Variants in APLF observed in about 807,000 individuals in gnomAD.
The protein encoded by APLF is aprataxin and PNK-like factor.
A neutral mutation model predicts 55.6 loss-of-function variants in APLF; 61 were observed. The ratio of observed to expected loss-of-function variants is 1.10; its 90% CI spans 0.89 to 1.36. The LOEUF (loss-of-function observed/expected upper bound fraction) is 1.36, where lower values mean the gene tolerates loss of function less well. Among genes scored for constraint, APLF ranks in the 40% most tolerant of loss-of-function variants. The pLI is 0.00. For synonymous variants in APLF, 207 were observed against 214.8 expected, an observed-to-expected ratio of 0.96 and a Z score of 0.32; for missense variants, 611 against 602.5, an observed-to-expected ratio of 1.01 and a Z score of -0.15.
At chr2:68,541,976 A>G (rs1451417493) in intron 7 of APLF, among the ~76,000 whole-genome samples, 1 of 152,186 alleles carries the variant, frequency 6.6e-6, no homozygotes, top group South Asian at 2.1e-4. Context: ...AGAGCCTATA[A>G]ATAAATCCTC....
At chr2:68,516,901 A>G (rs1049153198) in intron 5 of APLF, among the ~76,000 whole-genome samples, 3 of 131,252 alleles carry the variant, frequency 2.3e-5, no homozygotes, top group Non-Finnish European at 4.7e-5. Context: ...ATAATAATAT[A>G]TTATATATCC....
In APLF at chr2:68,538,223, T is replaced by G. The variant is rs774054671; in HGVS notation, c.1156T>G (p.Tyr386Asp). The stretch of plus-strand genomic sequence containing the variant: ...ATCCTGCATGTATGGGGCAAACTGC[T>G]ATAGGTAAAATGAAATTACAGTAAC... Reference protein sequence around the residue: ...RTSCMYGANCYRKNPVHFQHF... With the variant: ...RTSCMYGANCDRKNPVHFQHF... Residue 386 changes from tyrosine (Y) to aspartate (D), a missense_variant, in exon 7 of 10, where the codon TAT becomes GAT. By Grantham distance (160) the Tyr-to-Asp change is radical. Transcript: ENST00000303795. 1.3e-6 allele frequency: 2 copies of G among 1,591,434 alleles called. No homozygotes were observed. The highest frequency in any genetic ancestry group is 4.5e-5 in the East Asian group (2 of 44,758).
intron 3 of APLF, among the ~76,000 whole-genome samples, chr2:68,509,010 C>G (rs1206194046): frequency 2.0e-5 from 3 of 152,066 alleles, no homozygotes; most frequent in Admixed American, 1.3e-4. Context: ...GGAAAACTGG[C>G]TAGCCATATG....
chr2:68,572,633 C>T (rs917290872), intron 9 of APLF, among the ~76,000 whole-genome samples: 10 of 152,072 alleles, frequency 6.6e-5, no homozygotes, highest in African/African-American at 2.4e-4. Context: ...CCCAGGAGTT[C>T]ATGACCAGCC....
intron 8 of APLF, among the ~76,000 whole-genome samples, chr2:68,564,464 G>A (rs1217816958): frequency 1.3e-5 from 2 of 152,074 alleles, no homozygotes; most frequent in East Asian, 1.9e-4. Flanking sequence ...GATTAGGGAT[G>A]AGTGTCACAC....
intron 6 of APLF, among the ~76,000 whole-genome samples, chr2:68,527,610 G>T (rs115543306): frequency 7.9e-5 from 10 of 126,712 alleles, no homozygotes; most frequent in Non-Finnish European, 1.7e-5. Context: ...TCCTCGATTC[G>T]CAGACAGGAT....
intron 6 of APLF, among the ~76,000 whole-genome samples, chr2:68,537,067 A>T (rs1369015030): frequency 2.6e-5 from 4 of 151,608 alleles, no homozygotes; most frequent in Admixed American, 2.6e-4. Context: ...CGGGAGCCTG[A>T]GGTGGGAGAA....
At chr2:68,567,232 T>C in intron 8 of APLF, 109 bp from the exon 9 acceptor site, 1 of 891,292 alleles carries the variant, frequency 1.1e-6, no homozygotes, top group Non-Finnish European at 1.8e-6. Flanking sequence ...AAGAGGCCTA[T>C]TGGGTCCTAA....
At chr2:68,568,454 C>G in intron 9 of APLF, 1 of 312,794 alleles carries the variant, frequency 3.2e-6, no homozygotes, top group Non-Finnish European at 4.6e-6. Context: ...AAAATATTCC[C>G]TTTATCTGAG....
At chr2:68,573,056 A>G (rs1339760286) in intron 9 of APLF, among the ~76,000 whole-genome samples, 1 of 152,234 alleles carries the variant, frequency 6.6e-6, no homozygotes, top group Non-Finnish European at 1.5e-5. Flanking sequence ...CTCTGCATAT[A>G]TAAAAAAATC....
chr2:68,517,787 TA>T (rs1558538913), intron 5 of APLF, among the ~76,000 whole-genome samples: 1 of 144,180 alleles, frequency 6.9e-6, no homozygotes, highest in African/African-American at 2.5e-5. Flanking sequence ...ATCACTAATA[TA>T]ATGTTAATAT....
At chr2:68,552,310 G>A (rs946511720) in intron 8 of APLF, among the ~76,000 whole-genome samples, 2 of 152,094 alleles carry the variant, frequency 1.3e-5, no homozygotes, top group Non-Finnish European at 2.9e-5. Flanking sequence ...TCAGCTTTGT[G>A]TTTGGGGCTC....
At chr2:68,551,390 A>C (rs576918528) in intron 8 of APLF, among the ~76,000 whole-genome samples, 3 of 151,966 alleles carry the variant, frequency 2.0e-5, no homozygotes, top group Non-Finnish European at 2.9e-5. Context: ...GCCTTTTATT[A>C]GTTTGAGGAG....
intron 1 of APLF, among the ~76,000 whole-genome samples, chr2:68,480,290 CCTTT>C (rs1675912990): frequency 6.6e-6 from 1 of 150,710 alleles, no homozygotes; most frequent in African/African-American, 2.4e-5. Flanking sequence ...ATTTAGATGC[CCTTT>C]CTTTTTCCTT....
rs1669972437 is a variant in APLF, at chr2:68,524,330, C to T, written c.623-1731C>T. The stretch of plus-strand genomic sequence containing the variant: ...TAAGTTTGATAATATGGACAGTATT[C>T]CATTGGCATTTCTTTCCTGAACTTA... On this transcript the variant is annotated intron_variant, in intron 5 of 9. Coordinates refer to ENST00000303795, the MANE Select transcript of APLF (RefSeq NM_173545.3). Among the ~76,000 whole-genome samples, 3 of 152,232 alleles carry T rather than the reference C, an allele frequency of 2.0e-5. No individual in the cohort carries two copies. In the South Asian group the frequency reaches 6.2e-4, roughly 32 times the overall value.
chr2:68,552,591 A>G (rs907326571), intron 8 of APLF, among the ~76,000 whole-genome samples: 3 of 152,148 alleles, frequency 2.0e-5, no homozygotes, highest in African/African-American at 7.2e-5. Flanking sequence ...GTTGTTAAAA[A>G]GAGTATTCTC....
chr2:68,546,433 T>G (rs1173598050), intron 8 of APLF, among the ~76,000 whole-genome samples: 1 of 151,932 alleles, frequency 6.6e-6, no homozygotes, highest in Non-Finnish European at 1.5e-5. Context: ...AGCACAAGTT[T>G]GATACCAAAA....
chr2:68,492,492 A>G, intron 2 of APLF, among the ~76,000 whole-genome samples: 1 of 152,184 alleles, frequency 6.6e-6, no homozygotes, highest in African/African-American at 2.4e-5. Flanking sequence ...AACAAACAAA[A>G]AAAGAGTACT....
chr2:68,508,138 T>G (rs913740822), intron 3 of APLF, among the ~76,000 whole-genome samples: 1 of 151,852 alleles, frequency 6.6e-6, no homozygotes, highest in Non-Finnish European at 1.5e-5. Flanking sequence ...TTGAAAGACT[T>G]AAGAATAACT....
Sources: gnomAD v4.1 joint callset for allele counts (sites outside exome capture counted in the v4.1 genomes callset) on GRCh38, gnomAD v4.1.1 for gene constraint, MANE v1.5 for transcripts, NCBI Gene and HGNC (gene_info 2026-07-23, HGNC 2026-07-21) for gene names.